The following PTPRD variants were observed in gnomAD, a reference collection of about 807,000 sequenced individuals.
PTPRD encodes protein tyrosine phosphatase receptor type D, also known as receptor-type tyrosine-protein phosphatase delta.
PTPRD carries 34 observed loss-of-function variants against 214.5 expected under a neutral mutation model. The observed-to-expected ratio is 0.16, with a 90% CI of 0.12 to 0.21. The LOEUF (loss-of-function observed/expected upper bound fraction) is 0.21. Among genes scored for constraint, PTPRD ranks in the 10% least tolerant of loss-of-function variants. The pLI, the probability that PTPRD is intolerant of heterozygous loss-of-function variation, is 1.00. For missense variants in PTPRD, 2,545 were observed against 2,398.7 expected, an observed-to-expected ratio of 1.06 and a Z score of -1.27; for synonymous variants, 1,128 against 845.7, an observed-to-expected ratio of 1.33 and a Z score of -5.79.
intron 11 of PTPRD, among the ~76,000 whole-genome samples, chr9:8,890,832 A>G (rs544276201): frequency 6.6e-6 from 1 of 152,262 alleles, no homozygotes; most frequent in South Asian, 2.1e-4. Flanking sequence ...TTCATTTGTT[A>G]CTTCATCATG....
At chr9:9,988,535 G>C (rs963369651) in intron 4 of PTPRD, among the ~76,000 whole-genome samples, 1 of 152,100 alleles carries the variant, frequency 6.6e-6, no homozygotes, top group African/African-American at 2.4e-5. Flanking sequence ...CAGAACATAA[G>C]TCTCAAAGAT....
At chr9:10,119,315 A>G (rs757106884) in intron 3 of PTPRD, among the ~76,000 whole-genome samples, 1 of 151,982 alleles carries the variant, frequency 6.6e-6, no homozygotes, top group African/African-American at 2.4e-5. Context: ...CCAAAGACAG[A>G]TTCTAAAGTT....
chr9:9,808,311 T>C (rs2046073277), intron 5 of PTPRD, among the ~76,000 whole-genome samples: 1 of 152,176 alleles, frequency 6.6e-6, no homozygotes, highest in African/African-American at 2.4e-5. Flanking sequence ...TTTAATCTCT[T>C]GTTCTTCTTG....
intron 3 of PTPRD, among the ~76,000 whole-genome samples, chr9:10,328,952 A>T (rs2096699158): frequency 6.6e-6 from 1 of 151,702 alleles, no homozygotes; most frequent in Admixed American, 6.6e-5. Flanking sequence ...ATATGGCTAC[A>T]CTGTGCAAAA....
chr9:8,981,463 T>G (rs1302143142), intron 11 of PTPRD, among the ~76,000 whole-genome samples: 4 of 152,172 alleles, frequency 2.6e-5, no homozygotes, highest in African/African-American at 4.8e-5. Context: ...GGGAGTTCCA[T>G]GGAGCCACTG....
chr9:10,605,222 T>C (rs2078986159), intron 2 of PTPRD, among the ~76,000 whole-genome samples: 1 of 151,884 alleles, frequency 6.6e-6, no homozygotes, highest in Admixed American at 6.6e-5. Context: ...TTTCTCTGTC[T>C]ATTCTCTTTC....
intron 11 of PTPRD, among the ~76,000 whole-genome samples, chr9:8,856,634 G>C (rs971725614): frequency 2.6e-5 from 4 of 152,138 alleles, no homozygotes; most frequent in African/African-American, 9.7e-5. Context: ...ATGAGGCTGG[G>C]GGATTACTCT....
intron 10 of PTPRD, among the ~76,000 whole-genome samples, chr9:9,101,617 A>T (rs2099791481): frequency 6.6e-6 from 1 of 152,190 alleles, no homozygotes; most frequent in African/African-American, 2.4e-5. Context: ...ACCTGATTAA[A>T]AAAAGAATTC....
At chr9:8,660,118 A>C (rs893587677) in intron 12 of PTPRD, among the ~76,000 whole-genome samples, 1 of 152,188 alleles carries the variant, frequency 6.6e-6, no homozygotes, top group African/African-American at 2.4e-5. Context: ...TTTTCCCAAA[A>C]AGCAAACATA....
intron 5 of PTPRD, among the ~76,000 whole-genome samples, chr9:9,789,988 A>C (rs1333014797): frequency 6.6e-6 from 1 of 152,074 alleles, no homozygotes; most frequent in African/African-American, 2.4e-5. Flanking sequence ...TATCTTTGTG[A>C]AACAACTAAA....
Position 9,382,124 on chromosome 9 carries a change from T to C in PTPRD, c.-203+15325A>G, listed in dbSNP as rs543075377. Among the ~76,000 whole-genome samples the C allele has an allele frequency of 3.8e-3, 576 of 151,724 alleles. 6 individuals are homozygous for C. The highest frequency in any genetic ancestry group is 0.013 in the African/African-American group (556 of 41,398). Reference sequence around the variant, plus strand: ...TGTTTAAGTTTATTCCTAAGTATTTTACTCTTTTTTGTGCTATTGTAAATG... The same window carrying C: ...TGTTTAAGTTTATTCCTAAGTATTTCACTCTTTTTTGTGCTATTGTAAATG... On this transcript the variant is annotated intron_variant, in intron 9 of 45. Transcript: ENST00000381196.
chr9:9,254,879 C>T (rs2099977068), intron 9 of PTPRD, among the ~76,000 whole-genome samples: 1 of 152,032 alleles, frequency 6.6e-6, no homozygotes, highest in Non-Finnish European at 1.5e-5. Flanking sequence ...AATACAATTT[C>T]CACACTTTTG....
intron 39 of PTPRD, among the ~76,000 whole-genome samples, chr9:8,343,038 G>A (rs1489897495): frequency 6.6e-6 from 1 of 152,060 alleles, no homozygotes; most frequent in African/African-American, 2.4e-5. Context: ...CCTTTGCAAC[G>A]AAGATACCAG....
At chr9:8,378,304 C>A (rs978449440) in intron 37 of PTPRD, among the ~76,000 whole-genome samples, 19 of 151,976 alleles carry the variant, frequency 1.3e-4, no homozygotes, top group Non-Finnish European at 2.6e-4. Flanking sequence ...AGTGACCAGG[C>A]ATGGGCATCT....
At chr9:8,970,488 A>T (rs1249360847) in intron 11 of PTPRD, among the ~76,000 whole-genome samples, 1 of 151,870 alleles carries the variant, frequency 6.6e-6, no homozygotes, top group Non-Finnish European at 1.5e-5. Context: ...TATTTAAGGA[A>T]ACAGCAGAAA....
chr9:8,573,191 C>T (rs113734938), intron 14 of PTPRD, among the ~76,000 whole-genome samples: 55 of 152,038 alleles, frequency 3.6e-4, no homozygotes, highest in African/African-American at 1.3e-3. Flanking sequence ...TCAGTGCTGC[C>T]ATTTTAACAT....
At chr9:10,385,618 C>T (rs2097900978) in intron 2 of PTPRD, among the ~76,000 whole-genome samples, 1 of 151,780 alleles carries the variant, frequency 6.6e-6, no homozygotes, top group South Asian at 2.1e-4. Flanking sequence ...CTGACTTCCA[C>T]TTAACAGCTG....
intron 2 of PTPRD, among the ~76,000 whole-genome samples, chr9:10,418,332 T>A (rs576995222): frequency 1.3e-5 from 2 of 151,666 alleles, no homozygotes; most frequent in Non-Finnish European, 2.9e-5. Flanking sequence ...CTTGGTTAAT[T>A]TTTTTAAGTA....
intron 9 of PTPRD, among the ~76,000 whole-genome samples, chr9:9,282,115 AG>A (rs1379827870): frequency 6.6e-6 from 1 of 151,412 alleles, no homozygotes; most frequent in African/African-American, 2.4e-5. Context: ...AAGAATGAAT[AG>A]GTGAAGTATA....
Sources: gnomAD v4.1 joint callset for allele counts (sites outside exome capture counted in the v4.1 genomes callset) on GRCh38, gnomAD v4.1.1 for gene constraint, MANE v1.5 for transcripts, NCBI Gene and HGNC (gene_info 2026-07-23, HGNC 2026-07-21) for gene names.